The following SCFD2 variants were observed in gnomAD, a reference collection of about 807,000 sequenced individuals.
SCFD2 encodes the protein sec1 family domain containing 2, also known as sec1 family domain-containing protein 2.
Under a neutral mutation model 58.9 loss-of-function variants are expected in SCFD2, and 54 were observed. The ratio of observed to expected loss-of-function variants is 0.92; its 90% confidence interval spans 0.74 to 1.15. The LOEUF (loss-of-function observed/expected upper bound fraction) is 1.15, where lower values mean the gene tolerates loss of function less well. Ranked by LOEUF, SCFD2 falls within the 50% of genes most tolerant of loss-of-function variation. The pLI is 0.00. For synonymous variants in SCFD2, 321 were observed against 335.9 expected (o/e 0.96, Z 0.49); for missense variants, 805 against 836.6 (o/e 0.96, Z 0.47).
At chr4:53,093,280 C>A (rs753138699) in intron 5 of SCFD2, among the ~76,000 whole-genome samples, 11 of 152,068 alleles carry the variant, frequency 7.2e-5, no homozygotes, top group Admixed American at 1.3e-4. Context: ...CAAGGGATGG[C>A]ATGTTTTGAC....
chr4:53,080,016 G>C (rs1175701280), intron 5 of SCFD2, among the ~76,000 whole-genome samples: 1 of 152,114 alleles, frequency 6.6e-6, no homozygotes, highest in Non-Finnish European at 1.5e-5. Flanking sequence ...AACACATATA[G>C]ACAGATGGTA....
At chr4:53,120,223 A>G (rs557452530) in intron 5 of SCFD2, among the ~76,000 whole-genome samples, 26 of 152,314 alleles carry the variant, frequency 1.7e-4, no homozygotes, top group African/African-American at 6.0e-4. Context: ...AACTAAATTA[A>G]AAAAAGTTCT....
At chr4:53,062,245 G>A (rs1012347034) in intron 5 of SCFD2, among the ~76,000 whole-genome samples, 3 of 151,670 alleles carry the variant, frequency 2.0e-5, no homozygotes, top group Admixed American at 6.6e-5. Flanking sequence ...GGTGGTAGGC[G>A]CCTGTAATCC....
At chr4:53,215,187 A>T (rs200785862) in intron 4 of SCFD2, among the ~76,000 whole-genome samples, 13,248 of 152,092 alleles carry the variant, frequency 0.087, 1,026 homozygotes, top group African/African-American at 0.18. Context: ...CAATTCTGTG[A>T]AGAAAGTCAT....
At chr4:53,171,518 T>A (rs1401083199) in intron 4 of SCFD2, among the ~76,000 whole-genome samples, 1 of 152,186 alleles carries the variant, frequency 6.6e-6, no homozygotes, top group Non-Finnish European at 1.5e-5. Flanking sequence ...GGTACCAAGA[T>A]ACGAGTTTGG....
At chr4:53,354,156 G>A (rs1734328121) in intron 1 of SCFD2, among the ~76,000 whole-genome samples, 1 of 152,234 alleles carries the variant, frequency 6.6e-6, no homozygotes, top group Non-Finnish European at 1.5e-5. Flanking sequence ...GGGGAGGCTC[G>A]GGCCCCATAG....
intron 1 of SCFD2, 140 bp from the exon 2 acceptor site, chr4:53,352,906 A>T: frequency 1.4e-6 from 1 of 705,672 alleles, no homozygotes; most frequent in Non-Finnish European, 2.4e-6. Context: ...TTTGCCCTTC[A>T]TACAGCTAAT....
chr4:52,918,164 AG>A (rs35048804), intron 6 of SCFD2, among the ~76,000 whole-genome samples: 116,017 of 152,094 alleles, frequency 0.76, 46,330 homozygotes, highest in Non-Finnish European at 0.88. Flanking sequence ...CTGGAGTCAC[AG>A]GGCTGAGGAC....
At chr4:52,997,294 C>A (rs1290665077) in intron 5 of SCFD2, among the ~76,000 whole-genome samples, 1 of 152,222 alleles carries the variant, frequency 6.6e-6, no homozygotes, top group African/African-American at 2.4e-5. Flanking sequence ...CCCACTCAAG[C>A]CCCAAAAGAA....
chr4:52,934,605 G>A (rs765125501), intron 5 of SCFD2, among the ~76,000 whole-genome samples: 65 of 152,266 alleles, frequency 4.3e-4, no homozygotes, highest in Admixed American at 2.2e-3. Context: ...CACCTCCAGG[G>A]CCTTCTGCAA....
intron 4 of SCFD2, among the ~76,000 whole-genome samples, chr4:53,243,867 T>TA: frequency 6.6e-6 from 1 of 152,202 alleles, no homozygotes; most frequent in East Asian, 1.9e-4. Flanking sequence ...ATAACAGACT[T>TA]CATTTGTTTG....
chr4:53,087,320 G>T (rs2148863422), intron 5 of SCFD2, among the ~76,000 whole-genome samples: 1 of 152,142 alleles, frequency 6.6e-6, no homozygotes, highest in African/African-American at 2.4e-5. Context: ...CAAATAAATT[G>T]AATATTTAAC....
chr4:53,231,364 C>T (rs1729434191), intron 4 of SCFD2, among the ~76,000 whole-genome samples: 1 of 152,046 alleles, frequency 6.6e-6, no homozygotes. Context: ...AGCATGGCGT[C>T]TGGTGTCTAA....
At chr4:52,915,233 C>T (rs1719574665) in intron 6 of SCFD2, among the ~76,000 whole-genome samples, 2 of 152,314 alleles carry the variant, frequency 1.3e-5, no homozygotes, top group South Asian at 4.2e-4. Context: ...CCAGTTGTGG[C>T]CACAGTCACA....
intron 4 of SCFD2, among the ~76,000 whole-genome samples, chr4:53,152,330 C>T (rs562958416): frequency 1.5e-3 from 223 of 151,472 alleles, no homozygotes; most frequent in African/African-American, 5.2e-3. Flanking sequence ...ACAGTAAATC[C>T]GTATCATACT....
intron 5 of SCFD2, among the ~76,000 whole-genome samples, chr4:52,992,230 T>C (rs945017409): frequency 1.3e-5 from 2 of 152,184 alleles, no homozygotes; most frequent in Non-Finnish European, 2.9e-5. Flanking sequence ...GGTTTCGCTG[T>C]GTTGGCCGGG....
chr4:52,909,482 G>T (rs1308167634), intron 6 of SCFD2, among the ~76,000 whole-genome samples: 1 of 152,182 alleles, frequency 6.6e-6, no homozygotes, highest in African/African-American at 2.4e-5. Context: ...GGGGAATACG[G>T]AAGTTTAAAT....
chr4:53,332,455 A>G (rs71626302), intron 2 of SCFD2, among the ~76,000 whole-genome samples: 2 of 152,136 alleles, frequency 1.3e-5, no homozygotes, highest in African/African-American at 2.4e-5. Flanking sequence ...ACGCAAATCA[A>G]TAAATGTAAT....
At chr4:53,264,102 C>A (rs1288939210) in intron 4 of SCFD2, among the ~76,000 whole-genome samples, 2 of 152,140 alleles carry the variant, frequency 1.3e-5, no homozygotes, top group African/African-American at 4.8e-5. Flanking sequence ...CAGGCTTCAC[C>A]CCGCTCCCAT....
Sources: allele counts gnomAD v4.1 joint callset (sites outside exome capture counted in the v4.1 genomes callset), GRCh38; gene constraint gnomAD v4.1.1; transcripts MANE v1.5; gene names NCBI Gene and HGNC (gene_info 2026-07-23, HGNC 2026-07-21).